Variants in KIRREL3 observed in about 807,000 individuals in gnomAD.
KIRREL3 encodes kin of IRRE-like protein 3.
Under a neutral mutation model 89.7 loss-of-function variants are expected in KIRREL3, and 36 were observed. That is an observed-to-expected ratio of 0.40 (90% CI 0.31 to 0.53). The LOEUF (loss-of-function observed/expected upper bound fraction) is 0.53, where lower values mean the gene tolerates loss of function less well. KIRREL3 is among the 20% of genes least tolerant of loss of function. The probability of loss-of-function intolerance (pLI) is 0.49; values close to 1 mark genes in which losing one functional copy is unlikely to be tolerated. For missense variants in KIRREL3, 864 were observed against 1,056.6 expected (o/e 0.82, Z 2.53); for synonymous variants, 445 against 441.4 (o/e 1.01, Z -0.10).
intron 1 of KIRREL3, among the ~76,000 whole-genome samples, chr11:126,596,765 G>A (rs1293478262): frequency 6.6e-6 from 1 of 152,176 alleles, no homozygotes; most frequent in Non-Finnish European, 1.5e-5. Flanking sequence ...CTTCCAGGAA[G>A]GGGGAATGAA....
intron 5 of KIRREL3, among the ~76,000 whole-genome samples, chr11:126,472,592 T>C (rs1033321820): frequency 6.6e-6 from 1 of 152,126 alleles, no homozygotes; most frequent in Non-Finnish European, 1.5e-5. Flanking sequence ...CGTGATTGCA[T>C]CCTGCATTTT....
At position 126,565,213 on chromosome 11, in the gene KIRREL3, G is replaced by T. The variant is rs1451659523; in HGVS notation, c.56-2301C>A. On this transcript the variant is annotated intron_variant, in intron 1 of 16. Coordinates refer to ENST00000525144, the MANE Select transcript of KIRREL3 (RefSeq NM_032531.4). This position sits in a 1 kb window ranked among gnomAD's most constrained non-coding sequence, Gnocchi z 5.4. ...AACAATTCTCTTACAGATTTAGAGAGTGTGAGCAATCTGTTGACTCTGGAT... is the reference window on the plus strand; with the variant it reads ...AACAATTCTCTTACAGATTTAGAGATTGTGAGCAATCTGTTGACTCTGGAT... Among the ~76,000 whole-genome samples, 1 of 152,196 alleles carries T rather than the reference G, an allele frequency of 6.6e-6. No individual in the cohort carries two copies. Among genetic ancestry groups the T allele is most frequent in the Non-Finnish European group, 1.5e-5 (1 of 68,034 alleles).
chr11:126,604,620 G>A lies in KIRREL3; in HGVS notation c.56-41708C>T, dbSNP rs1942811712. On this transcript the variant is annotated intron_variant, in intron 1 of 16. Coordinates refer to ENST00000525144, the MANE Select transcript of KIRREL3 (RefSeq NM_032531.4). ...GAGGGTTCTGATCCGTTGGCTTACA[G>A]GTGTGTCCTGTGGGCCACATGGGGG... Among the ~76,000 whole-genome samples the A allele has an allele frequency of 1.3e-5, 2 of 152,196 alleles. 1 individual carries two copies.
rs1946204360 is a variant in KIRREL3 at position 126,676,681 on chromosome 11, T to C, written c.56-113769A>G. Among the ~76,000 whole-genome samples the C allele has an allele frequency of 6.6e-6, 1 of 151,954 alleles. No homozygotes were observed. The highest frequency in any genetic ancestry group is 2.4e-5 in the African/African-American group (1 of 41,382). On this transcript the variant is annotated intron_variant, in intron 1 of 16. Transcript: ENST00000525144. The surrounding 1 kb of genome is among the most constrained non-coding windows in gnomAD (Gnocchi z 4.5). ...CTTGAGGTAACTGCCTTGGCCTCCC[T>C]AAGCCAAAGATGCATCTGGGCCCCA...
chr11:126,802,622 G>A lies in KIRREL3; in HGVS notation c.55+197833C>T, dbSNP rs953097552. ...GTGAGTGACCCTGCGATGGGAGGGT[G>A]TCCTGTCGGGGGCTGGCTCCCGCCT... On this transcript the variant is annotated intron_variant, in intron 1 of 16. Transcript: ENST00000525144. The surrounding 1 kb of genome is among the most constrained non-coding windows in gnomAD (Gnocchi z 5.2). Among the ~76,000 whole-genome samples, 1 of 152,188 alleles carries A rather than the reference G, an allele frequency of 6.6e-6. No homozygotes were observed. The highest frequency in any genetic ancestry group is 2.4e-5 in the African/African-American group (1 of 41,462).
rs537157629 is a variant in KIRREL3, at chr11:126,843,761, A to G, written c.55+156694T>C. ...CTGATAAAACAGCTTACAGTAAAAA[A>G]GCTGGCTAAAACCCACCAAAATCAA... On this transcript the variant is annotated intron_variant, in intron 1 of 16. Coordinates refer to ENST00000525144, the MANE Select transcript of KIRREL3 (RefSeq NM_032531.4). This position sits in a 1 kb window ranked among gnomAD's most constrained non-coding sequence, Gnocchi z 4.6. Among the ~76,000 whole-genome samples the G allele has an allele frequency of 2.9e-4, 44 of 152,334 alleles. 1 individual carries two copies. Among genetic ancestry groups the G allele is most frequent in the African/African-American group, 1.1e-3 (44 of 41,580 alleles).
rs1565715548 is a variant in KIRREL3, at chr11:126,768,224, T to TCCA, written c.56-205313_56-205312insTGG. Among the ~76,000 whole-genome samples, 5 of 142,542 alleles carry TCCA rather than the reference T, an allele frequency of 3.5e-5. No individual in the cohort carries two copies. The highest frequency in any genetic ancestry group is 1.1e-4 in the African/African-American group (4 of 36,166). The allele number at this position is 142,542 out of a possible 152,430, so 93.5% of individuals were successfully genotyped here. ...ATCCATCCATCCATCCATCCATCCA[T>TCCA]TCAATCTGTCCATCTGTCCATCCAT... On this transcript the variant is annotated intron_variant, in intron 1 of 16. Coordinates refer to ENST00000525144, the MANE Select transcript of KIRREL3 (RefSeq NM_032531.4). This position sits in a 1 kb window ranked among gnomAD's most constrained non-coding sequence, Gnocchi z 4.5.
At chr11:126,863,463 G>A (rs1161100593) in intron 1 of KIRREL3, among the ~76,000 whole-genome samples, 1 of 6,208 alleles carries the variant, frequency 1.6e-4, no homozygotes, top group Non-Finnish European at 3.0e-4. Context: ...GTTTGAGTGC[G>A]TGTGTGTGTG....
chr11:126,518,314 G>A (rs534390252), intron 4 of KIRREL3, among the ~76,000 whole-genome samples: 2 of 152,318 alleles, frequency 1.3e-5, no homozygotes, highest in African/African-American at 2.4e-5. Context: ...GCACGCTGCC[G>A]GCAGATGCAT....
rs753363117 is a variant in KIRREL3 at position 126,890,826 on chromosome 11, C to T, written c.55+109629G>A. Among the ~76,000 whole-genome samples the T allele has an allele frequency of 1.3e-5, 2 of 152,194 alleles. No homozygotes were observed. Among genetic ancestry groups the T allele is most frequent in the Non-Finnish European group, 2.9e-5 (2 of 68,040 alleles). On this transcript the variant is annotated intron_variant, in intron 1 of 16. Transcript: ENST00000525144. The surrounding 1 kb of genome is among the most constrained non-coding windows in gnomAD (Gnocchi z 5.1). ...AGCGCTGCCCCAGCATCCTCCCAACCACTGTCCTCAGCATTGTTTCAATAG... is the reference window on the plus strand; with the variant it reads ...AGCGCTGCCCCAGCATCCTCCCAACTACTGTCCTCAGCATTGTTTCAATAG...
At chr11:126,823,903 G>A (rs4385910) in intron 1 of KIRREL3, among the ~76,000 whole-genome samples, 131,081 of 151,850 alleles carry the variant, frequency 0.86, 56,926 homozygotes, top group East Asian at 1. Context: ...GGAGGCCGGG[G>A]CAGGTGGGCA....
chr11:126,506,467 T>C (rs969523057), intron 4 of KIRREL3, among the ~76,000 whole-genome samples: 2 of 152,196 alleles, frequency 1.3e-5, no homozygotes, highest in Non-Finnish European at 2.9e-5. Flanking sequence ...CCAAAGAAGA[T>C]ACACAAATGG....
chr11:126,792,483 ACCACTGGACT>A (rs1245525216), intron 1 of KIRREL3, among the ~76,000 whole-genome samples: 4 of 152,176 alleles, frequency 2.6e-5, no homozygotes, highest in Non-Finnish European at 5.9e-5. Flanking sequence ...CGTGTACGTA[ACCACTGGACT>A]CCACTGGACT....
At chr11:126,425,109 A>C in intron 16 of KIRREL3, 86 bp from the exon 17 acceptor site, 1 of 1,275,070 alleles carries the variant, frequency 7.8e-7, no homozygotes, top group Non-Finnish European at 1.1e-6. Flanking sequence ...CCGTCCCCTT[A>C]TGCGGGGAGG....
At chr11:126,826,819 G>A (rs915807399) in intron 1 of KIRREL3, among the ~76,000 whole-genome samples, 5 of 152,156 alleles carry the variant, frequency 3.3e-5, no homozygotes, top group African/African-American at 7.2e-5. Context: ...TATCTATCAC[G>A]ATGCTTAAAG....
chr11:126,614,168 G>A lies in KIRREL3; in HGVS notation c.56-51256C>T, dbSNP rs1943251695. On this transcript the variant is annotated intron_variant, in intron 1 of 16. Coordinates refer to ENST00000525144, the MANE Select transcript of KIRREL3 (RefSeq NM_032531.4). The surrounding 1 kb of genome is among the most constrained non-coding windows in gnomAD (Gnocchi z 4.6). ...TATAAAAGAGAAGGGGGATTAACATGTGCGCTTTAAGGGTTGGAAAAGTTC... is the reference window on the plus strand; with the variant it reads ...TATAAAAGAGAAGGGGGATTAACATATGCGCTTTAAGGGTTGGAAAAGTTC... Among the ~76,000 whole-genome samples, 2 of 152,092 alleles carry A rather than the reference G, an allele frequency of 1.3e-5. No individual in the cohort carries two copies. The highest frequency in any genetic ancestry group is 6.6e-5 in the Admixed American group (1 of 15,266).
chr11:126,648,957 A>C (rs1428967423), intron 1 of KIRREL3, among the ~76,000 whole-genome samples: 1 of 152,234 alleles, frequency 6.6e-6, no homozygotes, highest in African/African-American at 2.4e-5. Flanking sequence ...GAATGGGAAG[A>C]AAAACAGGTT....
intron 1 of KIRREL3, among the ~76,000 whole-genome samples, chr11:126,932,068 T>C (rs1947969716): frequency 6.6e-6 from 1 of 152,164 alleles, no homozygotes; most frequent in Admixed American, 6.5e-5. Context: ...CCATTTCCAT[T>C]TTGTGGCTGA....
In KIRREL3 at chr11:126,639,672, T is replaced by G. The variant is rs1944396176; in HGVS notation, c.56-76760A>C. ...GGCCCTACTTGTACAATTAATATTCTCCCTGGTGTTGATTTTGTTCAAATA... is the reference window on the plus strand; with the variant it reads ...GGCCCTACTTGTACAATTAATATTCGCCCTGGTGTTGATTTTGTTCAAATA... On this transcript the variant is annotated intron_variant, in intron 1 of 16. Coordinates refer to ENST00000525144, the MANE Select transcript of KIRREL3 (RefSeq NM_032531.4). This position sits in a 1 kb window ranked among gnomAD's most constrained non-coding sequence, Gnocchi z 4.3. Among the ~76,000 whole-genome samples the G allele has an allele frequency of 6.6e-6, 1 of 152,220 alleles. No homozygotes were observed. Among genetic ancestry groups the G allele is most frequent in the Non-Finnish European group, 1.5e-5 (1 of 68,042 alleles).
Sources: allele counts gnomAD v4.1 joint callset (sites outside exome capture counted in the v4.1 genomes callset), GRCh38; gene constraint gnomAD v4.1.1; non-coding constraint Gnocchi (gnomAD v3.1); transcripts MANE v1.5; gene names NCBI Gene and HGNC (gene_info 2026-07-23, HGNC 2026-07-21).